Variants in ESYT2 observed in about 807,000 individuals in gnomAD.
The protein encoded by ESYT2 is extended synaptotagmin-2.
ESYT2 carries 54 observed loss-of-function variants against 107.2 expected under a neutral mutation model. That is an observed-to-expected ratio of 0.50 (90% CI 0.40 to 0.63). The LOEUF (loss-of-function observed/expected upper bound fraction) is 0.63. ESYT2 is among the 30% of genes least tolerant of loss of function. The pLI is 0.00. For synonymous variants in ESYT2, 491 were observed against 434.1 expected (o/e 1.13, Z -1.63); for missense variants, 1,020 against 1,094.5 (o/e 0.93, Z 0.96).
intron 6 of ESYT2, among the ~76,000 whole-genome samples, chr7:158,781,885 GAAC>G (rs1838842733): frequency 6.6e-6 from 1 of 150,892 alleles, no homozygotes; most frequent in Admixed American, 6.6e-5. Flanking sequence ...GAACAAGTAA[GAAC>G]GAGAACAAGT....
At chr7:158,796,570 A>C (rs1839464565) in intron 3 of ESYT2, among the ~76,000 whole-genome samples, 1 of 152,242 alleles carries the variant, frequency 6.6e-6, no homozygotes, top group Non-Finnish European at 1.5e-5. Flanking sequence ...AGTGCTTCCG[A>C]AAAGGGCGTG....
At chr7:158,739,363 T>C (rs7804548) in intron 18 of ESYT2, among the ~76,000 whole-genome samples, 36,049 of 152,104 alleles carry the variant, frequency 0.24, 5,146 homozygotes, top group East Asian at 0.59. Flanking sequence ...TTTTGTTTTT[T>C]GAGACGGAGT....
chr7:158,775,678 C>T (rs1298436144), intron 6 of ESYT2, among the ~76,000 whole-genome samples: 1 of 152,206 alleles, frequency 6.6e-6, no homozygotes, highest in Non-Finnish European at 1.5e-5. Context: ...TTCCCTTCCA[C>T]CTGCACTTCC....
chr7:158,798,190 G>A lies in ESYT2; in HGVS notation c.373-114C>T, dbSNP rs145136841. The stretch of plus-strand genomic sequence containing the variant: ...AAACCTGGTTTTGAAAATAAAGGGC[G>A]GGAGGATCTTGTTGTTATGCAAAAT... On this transcript the variant is annotated intron_variant, in intron 2 of 22. Coordinates refer to ENST00000275418, the MANE Select transcript of ESYT2 (RefSeq NM_001367773.1). 345 of 1,111,840 alleles carry A rather than the reference G, an allele frequency of 3.1e-4. 2 individuals are homozygous for A. The African/African-American group carries it at 4.4e-3, about 14-fold the overall frequency. The allele number at this position is 1,111,840 out of a possible 1,614,324, so 68.9% of individuals were successfully genotyped here.
In ESYT2 at chr7:158,733,340, G is replaced by C. The variant is rs1836808552; in HGVS notation, c.*867C>G. On this transcript the variant is annotated 3_prime_UTR_variant, in exon 23 of 23. Coordinates refer to ENST00000275418, the MANE Select transcript of ESYT2 (RefSeq NM_001367773.1). ...AAATTAACAAAGCTCATGACTGATT[G>C]TTTGACAACAGCTTAATTGCTAACA... 6.6e-6 allele frequency: 1 copy of C among 152,200 alleles called. No homozygotes were observed. Among genetic ancestry groups the C allele is most frequent in the African/African-American group, 2.4e-5 (1 of 41,456 alleles). 9.4% of individuals were successfully genotyped at this position (152,200 alleles called of 1,614,324 possible). A position where few individuals can be genotyped will look rare whatever the true frequency, so the allele number is the denominator to read the frequency against.
At chr7:158,747,503 G>A (rs1185543360) in intron 16 of ESYT2, among the ~76,000 whole-genome samples, 2 of 152,066 alleles carry the variant, frequency 1.3e-5, no homozygotes, top group African/African-American at 2.4e-5. Context: ...GGTGCTCAAC[G>A]TCATTAGTAA....
chr7:158,767,627 T>C (rs940549885), intron 8 of ESYT2, 27 bp downstream of exon 8: 8 of 1,600,476 alleles, frequency 5.0e-6, no homozygotes, highest in Non-Finnish European at 6.0e-6. Flanking sequence ...TGTTTTTAAA[T>C]GTGAATGGAT....
rs1289205068 is a variant in ESYT2 at position 158,749,712 on chromosome 7, T to G, written c.1494A>C (p.Lys498Asn). The change falls in exon 15 of 23, where the codon AAA becomes AAC. Residue 498 changes from lysine (K) to asparagine (N), a missense_variant. Lys to Asn is a moderately conservative substitution (Grantham distance 94). Transcript: ENST00000275418. ...AVQRALKSGK[K>N]ISSNPNPVVQ... Reference sequence around the variant, plus strand: ...CAACAGGATTTGGGTTGCTGCTTATTTTCTTCCCTGACTACCCAAAACAAA... The same window carrying G: ...CAACAGGATTTGGGTTGCTGCTTATGTTCTTCCCTGACTACCCAAAACAAA... 1 of 1,613,948 alleles carries G rather than the reference T, an allele frequency of 6.2e-7. No individual in the cohort carries two copies. Among genetic ancestry groups the G allele is most frequent in the Admixed American group, 1.7e-5 (1 of 59,944 alleles).
chr7:158,767,815 C>T (rs1019975199), intron 7 of ESYT2, 41 bp from the exon 8 acceptor site: 47 of 1,583,148 alleles, frequency 3.0e-5, no homozygotes, highest in Non-Finnish European at 4.0e-5. Context: ...GACTATCAGA[C>T]ATGTGAATGC....
intron 11 of ESYT2, 37 bp from the exon 12 acceptor site, chr7:158,760,184 T>C (rs951160992): frequency 1.3e-6 from 2 of 1,587,820 alleles, no homozygotes; most frequent in African/African-American, 2.7e-5. Context: ...GCAAAAGTTC[T>C]TCTGAATCAA....
intron 1 of ESYT2, among the ~76,000 whole-genome samples, chr7:158,819,285 T>A (rs1405654950): frequency 6.6e-6 from 1 of 152,218 alleles, no homozygotes; most frequent in Non-Finnish European, 1.5e-5. Context: ...AGTTCAAAAA[T>A]AATTCATATA....
intron 10 of ESYT2, among the ~76,000 whole-genome samples, chr7:158,761,761 A>G (rs1232549724): frequency 2.0e-5 from 3 of 151,880 alleles, no homozygotes; most frequent in Non-Finnish European, 4.4e-5. Flanking sequence ...CAGGAGAGTA[A>G]GGAAGAGTGA....
chr7:158,755,100 C>T (rs867426003), intron 13 of ESYT2, among the ~76,000 whole-genome samples: 2 of 152,126 alleles, frequency 1.3e-5, no homozygotes, highest in African/African-American at 2.4e-5. Flanking sequence ...TTCCAGCCTA[C>T]GAAAAATTCC....
At chr7:158,737,465 A>T (rs961997589) in intron 19 of ESYT2, among the ~76,000 whole-genome samples, 10 of 152,042 alleles carry the variant, frequency 6.6e-5, no homozygotes, top group African/African-American at 2.4e-4. Context: ...TAACAGAGTG[A>T]CGGTTGTCTT....
At chr7:158,741,465 C>A (rs1330514176) in intron 18 of ESYT2, 58 bp downstream of exon 18, 3 of 1,384,934 alleles carry the variant, frequency 2.2e-6, no homozygotes, top group African/African-American at 2.1e-5. Context: ...TCTCCCCCAG[C>A]GTGGGGTGGG....
intron 18 of ESYT2, among the ~76,000 whole-genome samples, chr7:158,740,814 C>T (rs543725583): frequency 1.3e-5 from 2 of 152,146 alleles, no homozygotes; most frequent in African/African-American, 4.8e-5. Flanking sequence ...CCACAGTCTG[C>T]GTGTGCTTTT....
At chr7:158,825,294 A>AAAATAAATAAATAAATGAAATAAT (rs1563044502) in intron 1 of ESYT2, among the ~76,000 whole-genome samples, 1 of 152,206 alleles carries the variant, frequency 6.6e-6, no homozygotes, top group East Asian at 1.9e-4. Context: ...CTCCGTCTCA[A>AAAATAAATAAATAAATGAAATAAT]AAATAAATAA....
intron 20 of ESYT2, 51 bp from the exon 21 acceptor site, chr7:158,735,659 C>T (rs1587362509): frequency 2.0e-6 from 3 of 1,499,284 alleles, no homozygotes; most frequent in Non-Finnish European, 2.8e-6. Context: ...GCTGTATTTT[C>T]TTATAACTAA....
At chr7:158,819,452 A>G (rs150146774) in intron 1 of ESYT2, among the ~76,000 whole-genome samples, 1 of 152,372 alleles carries the variant, frequency 6.6e-6, no homozygotes, top group East Asian at 1.9e-4. Flanking sequence ...TCATTTAAAT[A>G]AAGTCTGGTA....
Sources: allele counts gnomAD v4.1 joint callset (sites outside exome capture counted in the v4.1 genomes callset), GRCh38; gene constraint gnomAD v4.1.1; transcripts MANE v1.5; gene names NCBI Gene and HGNC (gene_info 2026-07-23, HGNC 2026-07-21).